SPMIP2: variants seen among roughly 807,000 people sequenced by gnomAD.
The protein encoded by SPMIP2 is sperm microtubule inner protein 2.
At chr4:158,924,220 G>A in the SPMIP2 span, among the ~76,000 whole-genome samples, 10 of 152,144 alleles carry the variant, frequency 6.6e-5, no homozygotes, top group African/African-American at 2.4e-4. Flanking sequence ...CCCAGTCTGT[G>A]GTACTTTGTT....
At chr4:158,980,070 G>A in the SPMIP2 span, among the ~76,000 whole-genome samples, 2 of 152,236 alleles carry the variant, frequency 1.3e-5, no homozygotes, top group African/African-American at 4.8e-5. Flanking sequence ...TCCCCTCACA[G>A]TGTAAACAAA....
the SPMIP2 span, chr4:158,915,156 G>A: frequency 5.1e-5 from 82 of 1,599,236 alleles, 1 homozygote; most frequent in South Asian, 8.8e-4. Flanking sequence ...ATTTAGAAAA[G>A]CAAAACATCA....
the SPMIP2 span, among the ~76,000 whole-genome samples, chr4:159,016,059 C>T: frequency 3.3e-5 from 5 of 152,078 alleles, no homozygotes; most frequent in Admixed American, 6.6e-5. Context: ...GCAGGACTTA[C>T]GACAGACTGA....
chr4:158,913,128 G>A, the SPMIP2 span, among the ~76,000 whole-genome samples: 2 of 152,362 alleles, frequency 1.3e-5, no homozygotes, highest in South Asian at 4.1e-4. Context: ...CTAAAGAGAC[G>A]TGATAACTCA....
chr4:159,022,356 A>C, the SPMIP2 span, among the ~76,000 whole-genome samples: 6 of 152,174 alleles, frequency 3.9e-5, no homozygotes, highest in Non-Finnish European at 8.8e-5. Flanking sequence ...TATACATGCT[A>C]ATTTCAATAA....
chr4:158,915,042 A>G, the SPMIP2 span: 3 of 776,422 alleles, frequency 3.9e-6, no homozygotes, highest in Non-Finnish European at 6.0e-6. Flanking sequence ...AAATTACAAA[A>G]TGCTTCGATA....
chr4:158,910,048 AC>A, the SPMIP2 span, among the ~76,000 whole-genome samples: 1 of 151,626 alleles, frequency 6.6e-6, no homozygotes, highest in Non-Finnish European at 1.5e-5. Context: ...TCAAAAAAAA[AC>A]AAAAAAAAAT....
the SPMIP2 span, among the ~76,000 whole-genome samples, chr4:158,935,507 C>T: frequency 2.0e-5 from 3 of 152,036 alleles, no homozygotes; most frequent in East Asian, 1.9e-4. Context: ...AGCATCTAGC[C>T]GAATTCCTGA....
At chr4:159,038,410 G>A in the SPMIP2 span, among the ~76,000 whole-genome samples, 1 of 152,134 alleles carries the variant, frequency 6.6e-6, no homozygotes, top group South Asian at 2.1e-4. Flanking sequence ...ATGCTTTCAT[G>A]TGCGTCAGGG....
the SPMIP2 span, among the ~76,000 whole-genome samples, chr4:159,079,310 A>G: frequency 1.3e-3 from 192 of 152,142 alleles, 2 homozygotes; most frequent in East Asian, 0.02. Context: ...GTGGCCAAAA[A>G]AAGAGACTCC....
At chr4:158,994,115 A>T in the SPMIP2 span, among the ~76,000 whole-genome samples, 1 of 152,202 alleles carries the variant, frequency 6.6e-6, no homozygotes, top group South Asian at 2.1e-4. Context: ...CTTCTTTTCT[A>T]TATCAAATTT....
the SPMIP2 span, among the ~76,000 whole-genome samples, chr4:159,041,086 C>T: frequency 3.9e-5 from 6 of 152,198 alleles, no homozygotes; most frequent in African/African-American, 1.2e-4. Flanking sequence ...ATTTAAACAG[C>T]GACCATCATA....
the SPMIP2 span, among the ~76,000 whole-genome samples, chr4:159,024,226 G>C: frequency 9.2e-5 from 14 of 152,162 alleles, no homozygotes; most frequent in Non-Finnish European, 1.0e-4. Flanking sequence ...TGATGTCTCT[G>C]TCAGTGCCAT....
At chr4:159,005,805 C>T in the SPMIP2 span, among the ~76,000 whole-genome samples, 3 of 152,072 alleles carry the variant, frequency 2.0e-5, no homozygotes, top group Admixed American at 2.0e-4. Flanking sequence ...CACTCTGTTG[C>T]CCAGGCTGGA....
the SPMIP2 span, among the ~76,000 whole-genome samples, chr4:159,036,787 CTCT>C: frequency 6.6e-6 from 1 of 152,184 alleles, no homozygotes; most frequent in African/African-American, 2.4e-5. Context: ...CTGCATTATG[CTCT>C]TCTTTACCTT....
chr4:158,903,843 C>T, the SPMIP2 span, among the ~76,000 whole-genome samples: 4 of 152,202 alleles, frequency 2.6e-5, no homozygotes, highest in East Asian at 5.8e-4. Flanking sequence ...CATTTTTAGC[C>T]AGTGCCCATA....
At chr4:158,948,673 G>GGGAT in the SPMIP2 span, among the ~76,000 whole-genome samples, 2 of 151,254 alleles carry the variant, frequency 1.3e-5, no homozygotes, top group Non-Finnish European at 2.9e-5. Flanking sequence ...GGAGGGCAGT[G>GGGAT]GGATGTTTGA....
the SPMIP2 span, among the ~76,000 whole-genome samples, chr4:158,990,559 T>C: frequency 2.0e-5 from 3 of 152,170 alleles, no homozygotes; most frequent in Admixed American, 2.0e-4. Context: ...CATGCAGCCA[T>C]AAAGATGAGG....
the SPMIP2 span, among the ~76,000 whole-genome samples, chr4:159,020,597 T>C: frequency 1.3e-5 from 2 of 152,192 alleles, no homozygotes; most frequent in East Asian, 3.9e-4. Context: ...TCTGCGAGGC[T>C]ACCCTATGCC....
Sources: allele counts gnomAD v4.1 joint callset (sites outside exome capture counted in the v4.1 genomes callset), GRCh38; gene constraint gnomAD v4.1.1; transcripts MANE v1.5; gene names NCBI Gene and HGNC (gene_info 2026-07-23, HGNC 2026-07-21).